PABPC4L: variants seen among roughly 807,000 people sequenced by gnomAD.
PABPC4L encodes the protein polyadenylate-binding protein 4-like.
For missense variants in PABPC4L, 452 were observed against 451.4 expected (o/e 1.00, Z -0.01); for synonymous variants, 169 against 164.1 (o/e 1.03, Z -0.23).
chr4:133,980,701 T>G, the PABPC4L span, among the ~76,000 whole-genome samples: 1 of 152,196 alleles, frequency 6.6e-6, no homozygotes, highest in Non-Finnish European at 1.5e-5. Flanking sequence ...TCCAATGAGT[T>G]AACAGGAAAT....
At chr4:133,994,456 T>C in the PABPC4L span, among the ~76,000 whole-genome samples, 1 of 152,244 alleles carries the variant, frequency 6.6e-6, no homozygotes, top group South Asian at 2.1e-4. Flanking sequence ...GTTGTATAAC[T>C]GCTTTTCTTC....
At chr4:134,182,804 G>A in the PABPC4L span, among the ~76,000 whole-genome samples, 1 of 151,726 alleles carries the variant, frequency 6.6e-6, no homozygotes, top group African/African-American at 2.4e-5. Flanking sequence ...AGGACATAAA[G>A]AGACACTGTT....
chr4:134,085,869 C>T, the PABPC4L span, among the ~76,000 whole-genome samples: 4 of 152,106 alleles, frequency 2.6e-5, no homozygotes, highest in African/African-American at 9.7e-5. Context: ...TGAGCATTCA[C>T]GTACATTTCT....
the PABPC4L span, among the ~76,000 whole-genome samples, chr4:133,968,233 A>C: frequency 6.6e-6 from 1 of 152,186 alleles, no homozygotes; most frequent in Admixed American, 6.5e-5. Context: ...AATTACTCCA[A>C]GTTCCCTTGG....
chr4:134,074,012 A>T, the PABPC4L span, among the ~76,000 whole-genome samples: 1 of 152,084 alleles, frequency 6.6e-6, no homozygotes, highest in Non-Finnish European at 1.5e-5. Flanking sequence ...TGCCCTGGAG[A>T]CATTTTCTCT....
chr4:134,074,018 T>C, the PABPC4L span, among the ~76,000 whole-genome samples: 1 of 152,164 alleles, frequency 6.6e-6, no homozygotes, highest in African/African-American at 2.4e-5. Flanking sequence ...GGAGACATTT[T>C]CTCTGTTGTC....
chr4:134,046,394 G>T, the PABPC4L span, among the ~76,000 whole-genome samples: 1 of 151,934 alleles, frequency 6.6e-6, no homozygotes, highest in Admixed American at 6.6e-5. Flanking sequence ...AGCATATTTC[G>T]CCTCCAGCCA....
chr4:134,067,716 T>C, the PABPC4L span, among the ~76,000 whole-genome samples: 1 of 152,158 alleles, frequency 6.6e-6, no homozygotes, highest in Non-Finnish European at 1.5e-5. Flanking sequence ...GAGATTCTGA[T>C]ATGTTATATC....
chr4:134,034,000 T>C, the PABPC4L span, among the ~76,000 whole-genome samples: 3 of 151,932 alleles, frequency 2.0e-5, no homozygotes, highest in Non-Finnish European at 4.4e-5. Flanking sequence ...ATCTAGAACT[T>C]TCATAGCGGG....
At chr4:134,153,653 T>G in the PABPC4L span, among the ~76,000 whole-genome samples, 5 of 128,542 alleles carry the variant, frequency 3.9e-5, no homozygotes, top group African/African-American at 1.7e-4. Flanking sequence ...TTTCTTTATT[T>G]TTTTATTTTC....
the PABPC4L span, among the ~76,000 whole-genome samples, chr4:134,172,693 A>G: frequency 6.6e-6 from 1 of 152,118 alleles, no homozygotes; most frequent in African/African-American, 2.4e-5. Flanking sequence ...GCTTCTGCAC[A>G]GTAAAAAAAA....
At chr4:134,164,041 A>G in the PABPC4L span, among the ~76,000 whole-genome samples, 70 of 151,810 alleles carry the variant, frequency 4.6e-4, no homozygotes, top group South Asian at 1.0e-3. Context: ...AGGCGGGCGG[A>G]TCACGAGGTC....
chr4:134,069,474 G>T, the PABPC4L span, among the ~76,000 whole-genome samples: 1 of 151,986 alleles, frequency 6.6e-6, no homozygotes, highest in Admixed American at 6.6e-5. Context: ...CACATATTTT[G>T]TCTCTTTACA....
the PABPC4L span, among the ~76,000 whole-genome samples, chr4:133,966,309 C>T: frequency 1.3e-5 from 2 of 152,056 alleles, no homozygotes; most frequent in Non-Finnish European, 2.9e-5. Flanking sequence ...AATCAAAAAA[C>T]AGTAGATGTT....
chr4:134,078,819 AT>A, the PABPC4L span, among the ~76,000 whole-genome samples: 12 of 148,868 alleles, frequency 8.1e-5, no homozygotes, highest in Non-Finnish European at 1.3e-4. Flanking sequence ...TGCCTGGCTA[AT>A]TTTTTTTTCT....
At chr4:133,973,486 A>C in the PABPC4L span, among the ~76,000 whole-genome samples, 1 of 152,054 alleles carries the variant, frequency 6.6e-6, no homozygotes, top group Non-Finnish European at 1.5e-5. Context: ...AAAATATTGA[A>C]CTTTGTCACT....
the PABPC4L span, among the ~76,000 whole-genome samples, chr4:134,119,651 A>C: frequency 6.6e-6 from 1 of 151,658 alleles, no homozygotes; most frequent in South Asian, 2.1e-4. Context: ...CCCTGCAAAC[A>C]CACCTGGTAG....
At chr4:133,950,560 CATT>C in the PABPC4L span, among the ~76,000 whole-genome samples, 2 of 152,188 alleles carry the variant, frequency 1.3e-5, no homozygotes, top group African/African-American at 4.8e-5. Context: ...TTAGTTCTCT[CATT>C]ATGGGTTTAC....
At chr4:134,015,982 C>T in the PABPC4L span, among the ~76,000 whole-genome samples, 1 of 152,232 alleles carries the variant, frequency 6.6e-6, no homozygotes, top group African/African-American at 2.4e-5. Context: ...TGTTGAGTCT[C>T]CCACATTATT....
Sources: gnomAD v4.1 joint callset for allele counts (sites outside exome capture counted in the v4.1 genomes callset) on GRCh38, gnomAD v4.1.1 for gene constraint, MANE v1.5 for transcripts, NCBI Gene and HGNC (gene_info 2026-07-23, HGNC 2026-07-21) for gene names.